ADGRD2: variants seen among roughly 807,000 people sequenced by gnomAD.
The protein encoded by ADGRD2 is G protein-coupled receptor PGR24.
ADGRD2 carries 71 observed loss-of-function variants against 44.4 expected under a neutral mutation model. The observed-to-expected ratio is 1.60, with a 90% confidence interval of 1.32 to 1.95. The LOEUF is 1.95. ADGRD2 is among the 30% of genes most tolerant of loss of function. The pLI is 0.00. For synonymous variants in ADGRD2, 481 were observed against 224.8 expected (o/e 2.14, Z -10.19); for missense variants, 1,039 against 512.4 (o/e 2.03, Z -9.92).
exon 17 of ADGRD2, chr9:124,470,499 C>A: frequency 1.4e-6 from 1 of 710,382 alleles, no homozygotes; most frequent in South Asian, 1.5e-5. Flanking sequence ...TACAGGGCCA[C>A]GGTGAAGCCC....
chr9:124,474,267 A>T (rs113340432), intron 17 of ADGRD2, among the ~76,000 whole-genome samples: 4,332 of 117,530 alleles, frequency 0.037, 97 homozygotes, highest in Middle Eastern at 0.1. Flanking sequence ...AAGAGTGAAA[A>T]CTCTGTCTCA....
Position 124,454,190 on chromosome 9 carries a change from G to A in ADGRD2, c.1022+93G>A, listed in dbSNP as rs575830105. 13 of 603,438 alleles carry A rather than the reference G, an allele frequency of 2.2e-5. No homozygotes were observed. The South Asian group carries it at 2.2e-4, about 10-fold the overall frequency. 37.4% of individuals were successfully genotyped at this position (603,438 alleles called of 1,614,324 possible). On this transcript the variant is annotated intron_variant, in intron 4 of 21. Transcript: ENST00000334810. This position sits in a 1 kb window ranked among gnomAD's most constrained non-coding sequence, Gnocchi z 4.5. ...GGGGGTGAGCTGCTGGCAAAGTCTGGGAATTCAGAATAAACTCAGAGCTTC... is the reference window on the plus strand; with the variant it reads ...GGGGGTGAGCTGCTGGCAAAGTCTGAGAATTCAGAATAAACTCAGAGCTTC...
At chr9:124,476,268 T>G in intron 19 of ADGRD2, 89 bp from the exon 23 acceptor site, 1 of 627,742 alleles carries the variant, frequency 1.6e-6, no homozygotes, top group South Asian at 1.8e-5. Flanking sequence ...CTTAGCGTAT[T>G]TGATCCTGAG....
exon 18 of ADGRD2, chr9:124,475,481 TGAG>T (rs1171445307): frequency 1.4e-6 from 1 of 713,912 alleles, no homozygotes; most frequent in Non-Finnish European, 2.6e-6. Context: ...CTGCCTGCAA[TGAG>T]GAGGTGAGTC....
chr9:124,450,958 G>A (rs914981447), upstream of ADGRD2, among the ~76,000 whole-genome samples: 6 of 152,210 alleles, frequency 3.9e-5, no homozygotes, highest in African/African-American at 1.2e-4. Context: ...GAGCCCCCCA[G>A]GTTGACGGGA....
Position 124,471,290 on chromosome 9 carries a change from AC to A in ADGRD2, c.2758+678del, listed in dbSNP as rs960833317. ...CACCCCCCAGGCACCTCTCCCTGTC[AC>A]CTGCACCTCCTGCTCCCTGCTTGCC... On this transcript the variant is annotated intron_variant, in intron 17 of 21. Transcript: ENST00000334810. Among the ~76,000 whole-genome samples, 17 of 151,622 alleles carry A rather than the reference AC, an allele frequency of 1.1e-4. 1 individual carries two copies. The highest frequency in any genetic ancestry group is 2.9e-5 in the Non-Finnish European group (2 of 67,866).
chr9:124,469,634 G>A (rs1412547647), intron 16 of ADGRD2, 87 bp downstream of exon 19: 9 of 688,606 alleles, frequency 1.3e-5, no homozygotes, highest in East Asian at 2.7e-5. Flanking sequence ...GCGAGAGCAC[G>A]TGCGAGTCTG....
exon 11 of ADGRD2, chr9:124,466,286 G>T (rs1277671110): frequency 2.8e-6 from 2 of 707,952 alleles, no homozygotes; most frequent in Non-Finnish European, 5.3e-6. Flanking sequence ...CATCCCCCAA[G>T]CCCATATACA....
rs561081965 is a variant in ADGRD2, at chr9:124,457,001, G to C, written c.1505+268G>C. 7.0e-4 allele frequency among the ~76,000 whole-genome samples: 107 copies of C among 152,298 alleles called. 1 individual carries two copies. The South Asian group carries it at 0.02, about 28-fold the overall frequency. ...CTGAGAGACAGTTCCTCCCGCCTCTGTTACCCCAGAACCTTGAACATGTCT... is the reference window on the plus strand; with the variant it reads ...CTGAGAGACAGTTCCTCCCGCCTCTCTTACCCCAGAACCTTGAACATGTCT... On this transcript the variant is annotated intron_variant, in intron 7 of 21. Transcript: ENST00000334810.
At chr9:124,456,036 C>T (rs1831609571) in intron 6 of ADGRD2, among the ~76,000 whole-genome samples, 1 of 152,154 alleles carries the variant, frequency 6.6e-6, no homozygotes, top group Admixed American at 6.5e-5. Flanking sequence ...GTGAGCTCCC[C>T]GTCCTGGGAA....
intron 11 of ADGRD2, 132 bp downstream of exon 14, chr9:124,466,545 T>A: frequency 1.8e-6 from 1 of 549,628 alleles, no homozygotes; most frequent in Non-Finnish European, 3.3e-6. Flanking sequence ...CAGGGCTGCA[T>A]GCAGTAGTTC....
Position 124,475,497 on chromosome 9 carries a change from G to T in ADGRD2, c.2800+10G>T. On this transcript the variant is annotated intron_variant, in intron 18 of 21. Transcript: ENST00000334810. ...TGCCTGCAATGAGGAGGTGAGTCTGGGGGTGCCGGCTGCAGGGAGAGGGGT... is the reference window on the plus strand; with the variant it reads ...TGCCTGCAATGAGGAGGTGAGTCTGTGGGTGCCGGCTGCAGGGAGAGGGGT... 1 of 714,992 alleles carries T rather than the reference G, an allele frequency of 1.4e-6. No homozygotes were observed. The allele number at this position is 714,992 out of a possible 1,614,324, so 44.3% of individuals were successfully genotyped here.
rs552353757 is a variant in ADGRD2 at position 124,474,553 on chromosome 9, C to T, written c.2759-893C>T. On this transcript the variant is annotated intron_variant, in intron 17 of 21. Coordinates refer to ENST00000334810, the Ensembl canonical transcript of ADGRD2. ...GTTGGTGCCTGGACACCAGGGGGAC[C>T]AGTCAGGCTCTTGGACTCCAGCTTT... 7.2e-5 allele frequency among the ~76,000 whole-genome samples: 11 copies of T among 152,214 alleles called. No individual in the cohort carries two copies. The South Asian group carries it at 1.9e-3, about 26-fold the overall frequency.
chr9:124,457,415 T>C lies in ADGRD2; in HGVS notation c.1506-57T>C, dbSNP rs1831639299. 4 of 526,254 alleles carry C rather than the reference T, an allele frequency of 7.6e-6. No homozygotes were observed. The South Asian group carries it at 1.1e-4, about 15-fold the overall frequency. The allele number at this position is 526,254 out of a possible 1,614,324, so 32.6% of individuals were successfully genotyped here. On this transcript the variant is annotated intron_variant, in intron 7 of 21. Coordinates refer to ENST00000334810, the Ensembl canonical transcript of ADGRD2. ...GGATCCAGACCCTGCTAGCTGGGCC[T>C]GCTCAGCAGAAAGACCTCACTCCGA...
At chr9:124,464,343 T>C (rs1831774727) in intron 10 of ADGRD2, among the ~76,000 whole-genome samples, 1 of 152,202 alleles carries the variant, frequency 6.6e-6, no homozygotes, top group South Asian at 2.1e-4. Flanking sequence ...TAACACTATA[T>C]ATATTTCTTT....
chr9:124,462,764 C>G (rs112334425), intron 10 of ADGRD2, among the ~76,000 whole-genome samples: 3,712 of 152,290 alleles, frequency 0.024, 147 homozygotes, highest in African/African-American at 0.085. Context: ...CCTTGCCAAA[C>G]TCACTTAGTA....
chr9:124,454,438 G>T lies in ADGRD2; in HGVS notation c.1023-46G>T. 1.4e-6 allele frequency: 1 copy of T among 693,232 alleles called. No homozygotes were observed. 42.9% of individuals were successfully genotyped at this position (693,232 alleles called of 1,614,324 possible). ...TCACTGAACAGGCTGGCATCTCTGG[G>T]CAGGGGTATTGCCCGGGGCCTAGCC... On this transcript the variant is annotated intron_variant, in intron 4 of 21. Coordinates refer to ENST00000334810, the Ensembl canonical transcript of ADGRD2. The surrounding 1 kb of genome is among the most constrained non-coding windows in gnomAD (Gnocchi z 4.5).
At chr9:124,451,820 G>A (rs555385728), upstream of ADGRD2, 18 of 469,414 alleles carry the variant, frequency 3.8e-5, no homozygotes, top group Non-Finnish European at 6.6e-5. Flanking sequence ...TCCAAGATAA[G>A]TCCTGGCACA....
intron 10 of ADGRD2, among the ~76,000 whole-genome samples, chr9:124,460,938 C>T (rs1214961100): frequency 6.6e-6 from 1 of 152,126 alleles, no homozygotes; most frequent in Non-Finnish European, 1.5e-5. Flanking sequence ...TTGGAGAGTT[C>T]CAGTTGCTCC....
Sources: allele counts gnomAD v4.1 joint callset (sites outside exome capture counted in the v4.1 genomes callset), GRCh38; gene constraint gnomAD v4.1.1; non-coding constraint Gnocchi (gnomAD v3.1); transcripts MANE v1.5; gene names NCBI Gene and HGNC (gene_info 2026-07-23, HGNC 2026-07-21).